The following DCC variants were observed in gnomAD, a reference collection of about 807,000 sequenced individuals.
DCC encodes DCC netrin 1 receptor.
In DCC, 58 loss-of-function variants were observed where a neutral mutation model predicts 172.5. The observed-to-expected ratio is 0.34, with a 90% CI of 0.27 to 0.42. The LOEUF is 0.42. Among genes scored for constraint, DCC ranks in the 10% least tolerant of loss-of-function variants. The probability of loss-of-function intolerance (pLI) is 1.00; values close to 1 mark genes in which losing one functional copy is unlikely to be tolerated. For synonymous variants in DCC, 709 were observed against 644.5 expected (o/e 1.10, Z -1.52); for missense variants, 1,740 against 1,791.0 (o/e 0.97, Z 0.51).
Position 53,107,342 on chromosome 18 carries a change from T to A in DCC, c.1261+41176T>A, listed in dbSNP as rs145069699. On this transcript the variant is annotated intron_variant, in intron 7 of 28. Coordinates refer to ENST00000442544, the MANE Select transcript of DCC (RefSeq NM_005215.4). ...GTCTTATGTGATAGAAGTAGATCCT[T>A]CTATTACCCTTCTACTGTCTTTTAT... 1.5e-3 allele frequency among the ~76,000 whole-genome samples: 223 copies of A among 151,944 alleles called. 1 individual carries two copies. Among genetic ancestry groups the A allele is most frequent in the Admixed American group, 2.3e-3 (35 of 15,232 alleles).
chr18:53,114,270 T>A (rs2043378706), intron 7 of DCC, among the ~76,000 whole-genome samples: 1 of 145,918 alleles, frequency 6.9e-6, no homozygotes, highest in African/African-American at 2.6e-5. Context: ...CCCCAAGTAA[T>A]GTCTTAAAAA....
At chr18:53,255,734 G>A (rs1438709325) in intron 12 of DCC, among the ~76,000 whole-genome samples, 4 of 152,044 alleles carry the variant, frequency 2.6e-5, no homozygotes, top group Non-Finnish European at 5.9e-5. Flanking sequence ...ACCCAGTAAC[G>A]GGATGGCTGA....
intron 14 of DCC, among the ~76,000 whole-genome samples, chr18:53,326,762 G>A (rs1446105534): frequency 6.6e-6 from 1 of 151,434 alleles, no homozygotes; most frequent in South Asian, 2.1e-4. Flanking sequence ...CTAACACTCT[G>A]AAGTGAGAAA....
intron 7 of DCC, among the ~76,000 whole-genome samples, chr18:53,078,879 T>C (rs2042760157): frequency 6.6e-6 from 1 of 152,102 alleles, no homozygotes. Context: ...AAAACACACG[T>C]CATTATAAAG....
chr18:53,504,300 TCAGCCA>T (rs1431033694), intron 27 of DCC, among the ~76,000 whole-genome samples: 1 of 152,116 alleles, frequency 6.6e-6, no homozygotes, highest in African/African-American at 2.4e-5. Flanking sequence ...TCTGCTAAAA[TCAGCCA>T]CAGGCAGAGG....
At chr18:53,299,396 C>T (rs952539645) in intron 12 of DCC, among the ~76,000 whole-genome samples, 1 of 152,120 alleles carries the variant, frequency 6.6e-6, no homozygotes, top group Non-Finnish European at 1.5e-5. Context: ...CACTAAGAGA[C>T]TACATGAGCT....
chr18:52,987,334 A>G (rs1024454915), intron 5 of DCC, among the ~76,000 whole-genome samples: 6 of 152,094 alleles, frequency 3.9e-5, no homozygotes, highest in African/African-American at 1.4e-4. Flanking sequence ...CAACAACAAA[A>G]CACAGATAAG....
chr18:52,966,804 A>G (rs1428815092), intron 5 of DCC, among the ~76,000 whole-genome samples: 2 of 152,130 alleles, frequency 1.3e-5, no homozygotes, highest in East Asian at 3.9e-4. Flanking sequence ...GTATCCCTTA[A>G]TCCAGCCCAC....
chr18:52,973,656 T>C (rs1432722541), intron 5 of DCC, among the ~76,000 whole-genome samples: 1 of 152,166 alleles, frequency 6.6e-6, no homozygotes, highest in Non-Finnish European at 1.5e-5. Flanking sequence ...ACCTTAGTGA[T>C]CTGCAGACTG....
chr18:52,636,276 G>T (rs1310366815), intron 1 of DCC, among the ~76,000 whole-genome samples: 1 of 152,096 alleles, frequency 6.6e-6, no homozygotes. Flanking sequence ...AAACTACACG[G>T]GGAGAAGCAA....
rs907610131 is a variant in DCC at position 52,962,469 on chromosome 18, G to A, written c.985+37099G>A. 6.1e-3 allele frequency among the ~76,000 whole-genome samples: 919 copies of A among 151,260 alleles called. 6 individuals are homozygous for A. The highest frequency in any genetic ancestry group is 0.01 in the Non-Finnish European group (683 of 67,556). On this transcript the variant is annotated intron_variant, in intron 5 of 28. Transcript: ENST00000442544. Reference sequence around the variant, plus strand: ...GTCAGGAAACAACAGGTGCTGGAGAGGATGTGGAGAAATAGGAACACTTTT... The same window carrying A: ...GTCAGGAAACAACAGGTGCTGGAGAAGATGTGGAGAAATAGGAACACTTTT...
intron 5 of DCC, among the ~76,000 whole-genome samples, chr18:52,962,870 C>T (rs2040865563): frequency 6.8e-6 from 1 of 147,434 alleles, no homozygotes; most frequent in Non-Finnish European, 1.5e-5. Flanking sequence ...AAACCAAACA[C>T]TGCATGTTCT....
intron 1 of DCC, among the ~76,000 whole-genome samples, chr18:52,396,296 C>T (rs185415201): frequency 2.1e-5 from 3 of 139,594 alleles, no homozygotes; most frequent in African/African-American, 5.2e-5. Flanking sequence ...CCCCCCACCC[C>T]GCCCTGAAAA....
Position 52,730,068 on chromosome 18 carries a change from C to A in DCC, c.92-21986C>A, listed in dbSNP as rs150590298. Among the ~76,000 whole-genome samples, 36 of 152,212 alleles carry A rather than the reference C, an allele frequency of 2.4e-4. No homozygotes were observed. The East Asian group carries it at 6.2e-3, about 26-fold the overall frequency. On this transcript the variant is annotated intron_variant, in intron 1 of 28. Coordinates refer to ENST00000442544, the MANE Select transcript of DCC (RefSeq NM_005215.4). The stretch of plus-strand genomic sequence containing the variant: ...CTTAATAGCAAAACTTCTAAATAAC[C>A]TGGTAATTACTTGCAGTTTGTTTCA...
At chr18:52,783,641 T>C (rs75423279) in intron 2 of DCC, among the ~76,000 whole-genome samples, 1 of 151,946 alleles carries the variant, frequency 6.6e-6, no homozygotes, top group East Asian at 1.9e-4. Context: ...GTCTAATCCC[T>C]CTAAATACAG....
chr18:53,231,903 G>T (rs564183913), intron 12 of DCC, among the ~76,000 whole-genome samples: 1 of 152,172 alleles, frequency 6.6e-6, no homozygotes, highest in South Asian at 2.1e-4. Flanking sequence ...ACTGATAAAA[G>T]TCTGATTTTC....
intron 5 of DCC, among the ~76,000 whole-genome samples, chr18:53,008,199 T>C (rs1361989611): frequency 1.3e-5 from 2 of 152,170 alleles, no homozygotes; most frequent in Non-Finnish European, 2.9e-5. Flanking sequence ...GCTCTGCTAA[T>C]GAATTTCATT....
intron 1 of DCC, among the ~76,000 whole-genome samples, chr18:52,736,752 C>T (rs2036736358): frequency 6.6e-6 from 1 of 152,042 alleles, no homozygotes; most frequent in African/African-American, 2.4e-5. Flanking sequence ...GTCCCCAGCT[C>T]CTATGACATT....
chr18:52,441,342 C>A lies in DCC; in HGVS notation c.91+100464C>A, dbSNP rs186054074. Reference sequence around the variant, plus strand: ...TGAGAAATGTTTATATTGATTTTTGCGTGAAAAAGAGTCCGATATCTGTTT... The same window carrying A: ...TGAGAAATGTTTATATTGATTTTTGAGTGAAAAAGAGTCCGATATCTGTTT... On this transcript the variant is annotated intron_variant, in intron 1 of 28. Transcript: ENST00000442544. Among the ~76,000 whole-genome samples the A allele has an allele frequency of 1.2e-3, 189 of 152,196 alleles. 3 individuals carry two copies. Among genetic ancestry groups the A allele is most frequent in the African/African-American group, 4.5e-3 (187 of 41,540 alleles).
Sources: gnomAD v4.1 joint callset for allele counts (sites outside exome capture counted in the v4.1 genomes callset) on GRCh38, gnomAD v4.1.1 for gene constraint, MANE v1.5 for transcripts, NCBI Gene and HGNC (gene_info 2026-07-23, HGNC 2026-07-21) for gene names.